LINGO2: variants seen among roughly 807,000 people sequenced by gnomAD.
LINGO2 encodes leucine-rich repeat and immunoglobulin-like domain-containing nogo receptor-interacting protein 2.
A neutral mutation model predicts 30.6 loss-of-function variants in LINGO2; 14 were observed. That is an observed-to-expected ratio of 0.46 (90% confidence interval 0.30 to 0.72). LINGO2 has a LOEUF of 0.72. Ranked by LOEUF, LINGO2 falls within the 30% of genes least tolerant of loss-of-function variation. The pLI is 0.07. For missense variants in LINGO2, 729 were observed against 751.7 expected (o/e 0.97, Z 0.35); for synonymous variants, 317 against 288.5 (o/e 1.10, Z -1.00).
At chr9:28,418,023 T>G (rs188469092) in intron 2 of LINGO2, among the ~76,000 whole-genome samples, 1 of 152,142 alleles carries the variant, frequency 6.6e-6, no homozygotes, top group Admixed American at 6.6e-5. Flanking sequence ...AAAACTAAAT[T>G]GAACCACAAT....
At chr9:28,636,640 T>C (rs1827291124) in intron 1 of LINGO2, among the ~76,000 whole-genome samples, 1 of 152,192 alleles carries the variant, frequency 6.6e-6, no homozygotes, top group Non-Finnish European at 1.5e-5. Flanking sequence ...GAAGTGTCTG[T>C]TCATATCCTT....
chr9:28,693,451 C>T, the LINGO2 span, among the ~76,000 whole-genome samples: 1 of 151,976 alleles, frequency 6.6e-6, no homozygotes, highest in Non-Finnish European at 1.5e-5. Context: ...TTTTAAGAGG[C>T]CATTATGTGG....
intron 3 of LINGO2, among the ~76,000 whole-genome samples, chr9:28,322,456 CA>C (rs1305768839): frequency 8.8e-6 from 1 of 113,630 alleles, no homozygotes; most frequent in Non-Finnish European, 1.8e-5. Flanking sequence ...CACACACACA[CA>C]CACACACACA....
the LINGO2 span, among the ~76,000 whole-genome samples, chr9:29,139,288 G>A: frequency 6.6e-6 from 1 of 152,122 alleles, no homozygotes; most frequent in Non-Finnish European, 1.5e-5. Context: ...TGATAAAACT[G>A]CAGCTAAATG....
intron 4 of LINGO2, among the ~76,000 whole-genome samples, chr9:28,286,926 G>A (rs968184969): frequency 5.3e-5 from 8 of 152,110 alleles, no homozygotes; most frequent in Non-Finnish European, 1.2e-4. Flanking sequence ...GTTTACCTGT[G>A]TAACAAACCT....
At chr9:28,005,504 C>T (rs757844930) in intron 5 of LINGO2, among the ~76,000 whole-genome samples, 1 of 152,122 alleles carries the variant, frequency 6.6e-6, no homozygotes, top group African/African-American at 2.4e-5. Flanking sequence ...CTATCTAATT[C>T]TCCACATATC....
At chr9:28,490,717 G>A (rs986165803) in intron 1 of LINGO2, among the ~76,000 whole-genome samples, 2 of 152,104 alleles carry the variant, frequency 1.3e-5, no homozygotes, top group African/African-American at 4.8e-5. Context: ...GTTTTTGCAA[G>A]GGTAGAGAGA....
chr9:28,610,662 C>T (rs73443335), intron 1 of LINGO2, among the ~76,000 whole-genome samples: 55 of 152,282 alleles, frequency 3.6e-4, no homozygotes, highest in African/African-American at 1.3e-3. Flanking sequence ...GATCTTAAGA[C>T]TTCCCATCCT....
intron 5 of LINGO2, among the ~76,000 whole-genome samples, chr9:27,957,337 C>A (rs114431044): frequency 6.6e-6 from 1 of 151,952 alleles, no homozygotes; most frequent in Non-Finnish European, 1.5e-5. Context: ...CTTTGTCGCC[C>A]GGCTGGAGTG....
At chr9:28,675,721 A>G in the LINGO2 span, among the ~76,000 whole-genome samples, 1 of 151,516 alleles carries the variant, frequency 6.6e-6, no homozygotes, top group African/African-American at 2.4e-5. Flanking sequence ...ACATACAAAA[A>G]TTAGCCAGGT....
the LINGO2 span, among the ~76,000 whole-genome samples, chr9:28,816,875 G>C: frequency 6.6e-6 from 1 of 152,178 alleles, no homozygotes; most frequent in Non-Finnish European, 1.5e-5. Flanking sequence ...CAAGACATAG[G>C]AACTAACGAA....
chr9:28,401,213 A>G (rs1405967570), intron 2 of LINGO2, among the ~76,000 whole-genome samples: 2 of 151,334 alleles, frequency 1.3e-5, no homozygotes, highest in Non-Finnish European at 3.0e-5. Context: ...GACTGTACAG[A>G]TTTGTTACAT....
At chr9:27,943,920 G>A (rs1823267356), downstream of LINGO2, 1 of 152,210 alleles carries the variant, frequency 6.6e-6, no homozygotes, top group Non-Finnish European at 1.5e-5. Flanking sequence ...CAGGGAGGGA[G>A]AAGAGGTATT....
chr9:28,613,676 A>C (rs935535105), intron 1 of LINGO2, among the ~76,000 whole-genome samples: 4 of 152,152 alleles, frequency 2.6e-5, no homozygotes, highest in African/African-American at 7.2e-5. Context: ...GAATATACTC[A>C]CACAAGGGGG....
intron 3 of LINGO2, among the ~76,000 whole-genome samples, chr9:28,323,750 A>G (rs1825129829): frequency 6.6e-6 from 1 of 152,224 alleles, no homozygotes; most frequent in Non-Finnish European, 1.5e-5. Flanking sequence ...AATCACAATT[A>G]ATTACCATCA....
chr9:27,968,816 A>G (rs1180740921), intron 5 of LINGO2, among the ~76,000 whole-genome samples: 1 of 151,648 alleles, frequency 6.6e-6, no homozygotes, highest in Non-Finnish European at 1.5e-5. Flanking sequence ...TACTACTTCT[A>G]TTTTCCCTGT....
intron 4 of LINGO2, among the ~76,000 whole-genome samples, chr9:28,031,019 GATCA>G (rs1823641811): frequency 6.6e-6 from 1 of 152,080 alleles, no homozygotes; most frequent in African/African-American, 2.4e-5. Context: ...TAAATGATAT[GATCA>G]ATCTTATACT....
intron 2 of LINGO2, among the ~76,000 whole-genome samples, chr9:28,409,006 A>G (rs1822636689): frequency 6.7e-6 from 1 of 149,910 alleles, no homozygotes; most frequent in African/African-American, 2.5e-5. Context: ...CCATATTACC[A>G]TATGACACTA....
chr9:28,052,766 G>A (rs1824735425), intron 4 of LINGO2, among the ~76,000 whole-genome samples: 2 of 152,078 alleles, frequency 1.3e-5, no homozygotes, highest in African/African-American at 4.8e-5. Context: ...TAGTAAGTGG[G>A]AGAGAAGAGA....
Sources: allele counts gnomAD v4.1 joint callset (sites outside exome capture counted in the v4.1 genomes callset), GRCh38; gene constraint gnomAD v4.1.1; transcripts MANE v1.5; gene names NCBI Gene and HGNC (gene_info 2026-07-23, HGNC 2026-07-21).